CHID1: variants seen among roughly 807,000 people sequenced by gnomAD.
CHID1 encodes the protein chitinase domain-containing protein 1.
In CHID1, 44 loss-of-function variants were observed where a neutral mutation model predicts 55.4. That is an observed-to-expected ratio of 0.79 (90% CI 0.62 to 1.02). CHID1 has a LOEUF of 1.02. CHID1 is among the 50% of genes least tolerant of loss of function. The pLI, the probability that CHID1 is intolerant of heterozygous loss-of-function variation, is 0.00. For synonymous variants in CHID1, 216 were observed against 212.9 expected, an observed-to-expected ratio of 1.01 and a Z score of -0.13; for missense variants, 491 against 515.3, an observed-to-expected ratio of 0.95 and a Z score of 0.46.
chr11:906,938 G>GA (rs1852267613), intron 1 of CHID1, among the ~76,000 whole-genome samples: 1 of 152,164 alleles, frequency 6.6e-6, no homozygotes, highest in Non-Finnish European at 1.5e-5. Flanking sequence ...TGAGACAGGA[G>GA]AATCACTTGA....
chr11:913,142 C>CA (rs72085857), upstream of CHID1, among the ~76,000 whole-genome samples: 1 of 100,052 alleles, frequency 1.0e-5, no homozygotes, highest in Admixed American at 9.3e-5. Context: ...AGGAAAATTG[C>CA]CCCCCCCCGC....
chr11:911,574 G>C (rs1852690540), upstream of CHID1: 1 of 152,102 alleles, frequency 6.6e-6, no homozygotes, highest in Non-Finnish European at 1.5e-5. Flanking sequence ...CCGTTCCCGG[G>C]GCGCGCGTGG....
chr11:882,986 G>A, intron 10 of CHID1, 162 bp downstream of exon 10: 1 of 727,872 alleles, frequency 1.4e-6, no homozygotes, highest in Non-Finnish European at 2.3e-6. Context: ...GCGGTGGGGT[G>A]GGCACCAAGC....
At chr11:900,898 A>C in intron 5 of CHID1, 38 bp downstream of exon 5, 1 of 1,581,200 alleles carries the variant, frequency 6.3e-7, no homozygotes, top group Non-Finnish European at 8.6e-7. Flanking sequence ...CCGCAGTTTG[A>C]GCCATCAGGG....
rs777473336 is a variant in CHID1 at position 904,847 on chromosome 11, G to A, written c.-31C>T. Reference sequence around the variant, plus strand: ...GTGTGTCACAGTAGGGTCCAACCTCGGGGTCCAGAGGGCTGCAGGGAAAGC... The same window carrying A: ...GTGTGTCACAGTAGGGTCCAACCTCAGGGTCCAGAGGGCTGCAGGGAAAGC... On this transcript the variant is annotated 5_prime_UTR_variant, in exon 2 of 13. An upstream open reading frame in the 5' UTR gains an earlier in-frame stop. Transcript: ENST00000323578. 14 of 1,613,096 alleles carry A rather than the reference G, an allele frequency of 8.7e-6. No homozygotes were observed. In the East Asian group the frequency reaches 8.9e-5, roughly 10 times the overall value.
At chr11:870,582 A>G (rs1849106384) in intron 10 of CHID1, 83 bp from the exon 11 acceptor site, 2 of 1,021,512 alleles carry the variant, frequency 2.0e-6, no homozygotes, top group East Asian at 2.6e-5. Context: ...TGTGGCTCTC[A>G]GCAGGGGCAG....
upstream of CHID1, among the ~76,000 whole-genome samples, chr11:911,771 A>T (rs1852707442): frequency 2.0e-5 from 3 of 152,060 alleles, no homozygotes. Flanking sequence ...CACGTCCCCC[A>T]CCAGCTGTGG....
intron 10 of CHID1, among the ~76,000 whole-genome samples, chr11:876,306 T>C (rs1199670914): frequency 6.6e-6 from 1 of 152,076 alleles, no homozygotes; most frequent in Non-Finnish European, 1.5e-5. Flanking sequence ...GGATTTGGTG[T>C]CCAGAGTGGA....
chr11:888,267 C>T (rs140573037), intron 8 of CHID1, among the ~76,000 whole-genome samples: 4 of 152,340 alleles, frequency 2.6e-5, no homozygotes, highest in Admixed American at 1.3e-4. Flanking sequence ...AAGCAGCTCA[C>T]GGTGGTGATC....
chr11:904,689 C>T lies in CHID1; in HGVS notation c.111+17G>A, dbSNP rs367938981. ...CTCAGCCAGTACAGTCACCTCAAGTCCCCAGGCCACCCTTACCTTCTCCAG... is the reference window on the plus strand; with the variant it reads ...CTCAGCCAGTACAGTCACCTCAAGTTCCCAGGCCACCCTTACCTTCTCCAG... On this transcript the variant is annotated intron_variant, in intron 2 of 12. Transcript: ENST00000323578. 19 of 1,613,656 alleles carry T rather than the reference C, an allele frequency of 1.2e-5. No homozygotes were observed. In the South Asian group the frequency reaches 1.5e-4, roughly 13 times the overall value.
intron 10 of CHID1, among the ~76,000 whole-genome samples, chr11:872,999 C>T (rs1169797973): frequency 6.6e-6 from 1 of 152,192 alleles, no homozygotes; most frequent in African/African-American, 2.4e-5. Flanking sequence ...GGTGACCACG[C>T]TGTGGGGGCA....
chr11:897,114 C>T (rs1455763566), intron 7 of CHID1, among the ~76,000 whole-genome samples: 4 of 135,966 alleles, frequency 2.9e-5, no homozygotes, highest in East Asian at 4.6e-4. Flanking sequence ...ACCCCAGACA[C>T]GAGCCTGTCT....
chr11:908,615 C>G, intron 1 of CHID1: 1 of 985,510 alleles, frequency 1.0e-6, no homozygotes, highest in Non-Finnish European at 1.2e-6. Flanking sequence ...TCCATGACCA[C>G]TGGCTCCTTC....
At chr11:906,022 A>G (rs1176071940) in intron 1 of CHID1, among the ~76,000 whole-genome samples, 1 of 152,190 alleles carries the variant, frequency 6.6e-6, no homozygotes, top group Non-Finnish European at 1.5e-5. Context: ...ATTCCAGTAA[A>G]AAATGTCCCG....
chr11:909,851 G>A (rs563280042), intron 1 of CHID1, among the ~76,000 whole-genome samples: 1 of 152,236 alleles, frequency 6.6e-6, no homozygotes, highest in Admixed American at 6.5e-5. Context: ...CACCCCATCA[G>A]GAGTTCAAGA....
At chr11:881,958 C>G (rs1489691402) in intron 10 of CHID1, among the ~76,000 whole-genome samples, 2 of 146,936 alleles carry the variant, frequency 1.4e-5, no homozygotes, top group Non-Finnish European at 3.0e-5. Context: ...GAGCTATGAT[C>G]ACACCAGTGC....
chr11:884,219 C>A, intron 8 of CHID1, 50 bp from the exon 9 acceptor site: 2 of 1,467,616 alleles, frequency 1.4e-6, no homozygotes, highest in Admixed American at 1.7e-5. Context: ...CTGCCTGAAG[C>A]CCCTCCCCAG....
chr11:901,276 G>A (rs1224350378), intron 4 of CHID1, among the ~76,000 whole-genome samples: 4 of 152,178 alleles, frequency 2.6e-5, no homozygotes, highest in Admixed American at 2.0e-4. Context: ...AGGGGAACAG[G>A]CAGCTGCATC....
chr11:902,310 A>G lies in CHID1; in HGVS notation c.282T>C (p.Asp94=), dbSNP rs781654361. 6.2e-7 allele frequency: 1 copy of G among 1,613,202 alleles called. No individual in the cohort carries two copies. The highest frequency in any genetic ancestry group is 2.2e-5 in the East Asian group (1 of 44,856). ...YVTPWNSHGY[D]VTKVFGSKFT... is the part of the protein sequence containing the mutation. ...ACTTGCTCCCAAAGACCTTGGTGAC[A>G]TCGTAGCCATGGCTGTTCCACTGGC... is the stretch of plus-strand genomic sequence containing the variant. Residue 94 remains aspartate (D), a synonymous_variant, in exon 4 of 13, where the codon GAT becomes GAC. Transcript: ENST00000323578.
Sources: gnomAD v4.1 joint callset for allele counts (sites outside exome capture counted in the v4.1 genomes callset) on GRCh38, gnomAD v4.1.1 for gene constraint, MANE v1.5 for transcripts, NCBI Gene and HGNC (gene_info 2026-07-23, HGNC 2026-07-21) for gene names.